Variants in JAK3 observed in about 807,000 individuals in gnomAD.
JAK3 encodes Janus kinase 3, also known as tyrosine-protein kinase JAK3.
JAK3 carries 88 observed loss-of-function variants against 120.8 expected under a neutral mutation model. The observed-to-expected ratio is 0.73, with a 90% CI of 0.61 to 0.87. JAK3 has a LOEUF of 0.87. Ranked by LOEUF, JAK3 falls within the 40% of genes least tolerant of loss-of-function variation. The pLI is 0.00. For synonymous variants in JAK3, 592 were observed against 628.6 expected (o/e 0.94, Z 0.87); for missense variants, 1,254 against 1,501.4 (o/e 0.84, Z 2.72).
chr19:17,830,170 G>A lies in JAK3; in HGVS notation c.3145C>T (p.Arg1049Cys), dbSNP rs761068792. The A allele has an allele frequency of 6.3e-7, 1 of 1,595,736 alleles. No homozygotes were observed. The highest frequency in any genetic ancestry group is 1.1e-5 in the South Asian group (1 of 87,990). The change falls in exon 23 of 24, where the codon CGC becomes TGC. Residue 1049 changes from arginine (R) to cysteine (C), a missense_variant. By Grantham distance (180) the Arg-to-Cys change is radical (BLOSUM62 -3). Transcript: ENST00000458235. ...CCCTCCTCCAGCAGTTCCAAGAGGC[G>A]GCAGAGGGCGGGGACATCCCGCTCA... ...GCERDVPALC[R>C]LLELLEEGQR... is the part of the protein sequence containing the mutation.
chr19:17,830,270 G>A, intron 22 of JAK3, 52 bp from the exon 23 acceptor site: 3 of 1,422,084 alleles, frequency 2.1e-6, no homozygotes, highest in Admixed American at 2.0e-5. Flanking sequence ...CGTGGGTGGA[G>A]GGGGAGGGGC....
chr19:17,837,169 C>G lies in JAK3; in HGVS notation c.1746G>C (p.Arg582=). 1 of 1,570,592 alleles carries G rather than the reference C, an allele frequency of 6.4e-7. No homozygotes were observed. Among genetic ancestry groups the G allele is most frequent in the Non-Finnish European group, 8.6e-7 (1 of 1,157,956 alleles). The stretch of plus-strand genomic sequence containing the variant: ...ACACGCCGTGGAGCAGCACGAGATG[C>G]CGGTACGACACTTGGCTCATCAAGC... ...AASLMSQVSY[R]HLVLLHGVCM... Residue 582 remains arginine (R), a synonymous_variant, in exon 13 of 24, where the codon CGG becomes CGC. Transcript: ENST00000458235.
In JAK3 at chr19:17,832,402, A is replaced by C; in HGVS notation, c.2680+117T>G. On this transcript the variant is annotated intron_variant, in intron 19 of 23. Transcript: ENST00000458235. The surrounding 1 kb of genome is among the most constrained non-coding windows in gnomAD (Gnocchi z 4.7). ...AGGATTCAAACCTGTAACCCATGTG[A>C]ATCTGGATCAATAATCACGTTCCCA... 9.7e-7 allele frequency: 1 copy of C among 1,028,106 alleles called. No individual in the cohort carries two copies. The highest frequency in any genetic ancestry group is 1.3e-5 in the South Asian group (1 of 78,092). 63.7% of individuals were successfully genotyped at this position (1,028,106 alleles called of 1,614,324 possible).
chr19:17,826,637 G>T lies in JAK3; in HGVS notation c.*106C>A. 1 of 1,236,608 alleles carries T rather than the reference G, an allele frequency of 8.1e-7. No homozygotes were observed. Among genetic ancestry groups the T allele is most frequent in the Non-Finnish European group, 1.2e-6 (1 of 836,872 alleles). The allele number at this position is 1,236,608 out of a possible 1,614,324, so 76.6% of individuals were successfully genotyped here. On this transcript the variant is annotated 3_prime_UTR_variant, in exon 24 of 24. Transcript: ENST00000458235. ...GCAATGTCATGGGGGTGTTCCTGAA[G>T]TAGAGGACCCTCATAAGGCCTCTGA...
intron 23 of JAK3, among the ~76,000 whole-genome samples, chr19:17,827,925 A>C (rs533031332): frequency 4.6e-5 from 7 of 150,756 alleles, no homozygotes; most frequent in African/African-American, 1.7e-4. Context: ...ACAACAAAAA[A>C]ACACCACCTC....
At position 17,832,633 on chromosome 19, in the gene JAK3, G is replaced by C; in HGVS notation, c.2566C>G (p.Gln856Glu). The stretch of plus-strand genomic sequence containing the variant: ...TGGTCTGGCCCGCTGTGCTGCAGCT[G>C]TTTCACGGCCACCAGGGCACCTGTA... ...DNTGALVAVK[Q>E]LQHSGPDQQR... Residue 856 changes from glutamine (Q) to glutamate (E), a missense_variant, in exon 19 of 24, where the codon CAG becomes GAG. Coordinates refer to ENST00000458235, the MANE Select transcript of JAK3 (RefSeq NM_000215.4). The surrounding 1 kb of genome is among the most constrained non-coding windows in gnomAD (Gnocchi z 4.7). 1 of 1,614,234 alleles carries C rather than the reference G, an allele frequency of 6.2e-7. No homozygotes were observed. The highest frequency in any genetic ancestry group is 1.1e-5 in the South Asian group (1 of 91,088).
chr19:17,831,927 C>T lies in JAK3; in HGVS notation c.2681-129G>A. On this transcript the variant is annotated intron_variant, in intron 19 of 23. Coordinates refer to ENST00000458235, the MANE Select transcript of JAK3 (RefSeq NM_000215.4). The surrounding 1 kb of genome is among the most constrained non-coding windows in gnomAD (Gnocchi z 5.1). ...GCTGACTGTAATATGGGAACCGCAACAATGACACATTGCTAATATCTCTTG... is the reference window on the plus strand; with the variant it reads ...GCTGACTGTAATATGGGAACCGCAATAATGACACATTGCTAATATCTCTTG... 9.3e-7 allele frequency: 1 copy of T among 1,079,998 alleles called. No individual in the cohort carries two copies. Among genetic ancestry groups the T allele is most frequent in the African/African-American group, 1.5e-5 (1 of 64,540 alleles). The allele number at this position is 1,079,998 out of a possible 1,614,324, so 66.9% of individuals were successfully genotyped here.
chr19:17,832,439 G>A lies in JAK3; in HGVS notation c.2680+80C>T. ...TAATCACGTTCCCAGCCTACCTAAA[G>A]TGGCCTGGCAGGAGGGTAAGAATGT... is the stretch of plus-strand genomic sequence containing the variant. On this transcript the variant is annotated intron_variant, in intron 19 of 23. Transcript: ENST00000458235. The surrounding 1 kb of genome is among the most constrained non-coding windows in gnomAD (Gnocchi z 4.7). 1 of 1,392,150 alleles carries A rather than the reference G, an allele frequency of 7.2e-7. No homozygotes were observed. Among genetic ancestry groups the A allele is most frequent in the South Asian group, 1.2e-5 (1 of 86,192 alleles). The allele number at this position is 1,392,150 out of a possible 1,614,324, so 86.2% of individuals were successfully genotyped here. A position where few individuals can be genotyped will look rare whatever the true frequency, so the allele number is the denominator to read the frequency against.
At position 17,831,118 on chromosome 19, in the gene JAK3, G is replaced by T; in HGVS notation, c.2978+110C>A. On this transcript the variant is annotated intron_variant, in intron 21 of 23. Coordinates refer to ENST00000458235, the MANE Select transcript of JAK3 (RefSeq NM_000215.4). This position sits in a 1 kb window ranked among gnomAD's most constrained non-coding sequence, Gnocchi z 5.1. ...AGGGGCCAAAGCTGCAGCGGAGGAA[G>T]GGCGGGGCTAAGGCTGGGGAGCAAA... 8.4e-7 allele frequency: 1 copy of T among 1,196,014 alleles called. No homozygotes were observed. Among genetic ancestry groups the T allele is most frequent in the Non-Finnish European group, 1.2e-6 (1 of 850,598 alleles). 74.1% of individuals were successfully genotyped at this position (1,196,014 alleles called of 1,614,324 possible).
In JAK3 at chr19:17,838,021, C is replaced by T. The variant is rs771370727; in HGVS notation, c.1612G>A (p.Gly538Ser). ...GHGSFTKIYR[G>S]CRHEVVDGEA... ...CCATCCACCACCTCATGGCGACAGC[C>T]CCGGTAAATCTTGGTGAAGGACCCA... Residue 538 changes from glycine (G) to serine (S), a missense_variant, in exon 12 of 24, where the codon GGC becomes AGC. Gly to Ser is a moderately conservative substitution (Grantham distance 56). This residue lies in a region of JAK3 where 630 missense variants were observed against 819.8 expected (regional missense o/e 0.77). Transcript: ENST00000458235. 6.2e-6 allele frequency: 10 copies of T among 1,614,144 alleles called. No homozygotes were observed. The highest frequency in any genetic ancestry group is 8.5e-6 in the Non-Finnish European group (10 of 1,180,030).
Position 17,842,310 on chromosome 19 carries a change from C to T in JAK3, c.861+6G>A, listed in dbSNP as rs748305273. The T allele has an allele frequency of 9.5e-6, 15 of 1,574,828 alleles. No homozygotes were observed. In the Middle Eastern group the frequency reaches 6.5e-4, roughly 69 times the overall value. ...GGCCCCGCCCAGCGGGGGAGTCCGC[C>T]CTCACCTCCTGTTCTCCCTGGGTCC... On this transcript the variant is annotated splice_donor_region_variant and intron_variant, in intron 6 of 23. Coordinates refer to ENST00000458235, the MANE Select transcript of JAK3 (RefSeq NM_000215.4). The surrounding 1 kb of genome is among the most constrained non-coding windows in gnomAD (Gnocchi z 6.4).
intron 12 of JAK3, among the ~76,000 whole-genome samples, 195 bp from the exon 13 acceptor site, chr19:17,837,408 TTTTTGTTTTG>T (rs552562879): frequency 1.3e-5 from 2 of 151,970 alleles, no homozygotes; most frequent in African/African-American, 2.4e-5. Flanking sequence ...CATCTATGGT[TTTTTGTTTTG>T]TTTTGTTTTG....
intron 17 of JAK3, among the ~76,000 whole-genome samples, chr19:17,833,761 G>C (rs930524717): frequency 6.6e-6 from 1 of 152,132 alleles, no homozygotes; most frequent in Non-Finnish European, 1.5e-5. Flanking sequence ...TCTGAGGCGG[G>C]AGAATTGCTT....
rs943572757 is a variant in JAK3, at chr19:17,831,094, G to A, written c.2978+134C>T. 28 of 882,062 alleles carry A rather than the reference G, an allele frequency of 3.2e-5. No homozygotes were observed. The highest frequency in any genetic ancestry group is 4.1e-5 in the Non-Finnish European group (24 of 580,356). 54.6% of individuals were successfully genotyped at this position (882,062 alleles called of 1,614,324 possible). Reference sequence around the variant, plus strand: ...GGGGGCGGGGCTCTGGGGAGTGGGAGGGGCCAAAGCTGCAGCGGAGGAAGG... The same window carrying A: ...GGGGGCGGGGCTCTGGGGAGTGGGAAGGGCCAAAGCTGCAGCGGAGGAAGG... On this transcript the variant is annotated intron_variant, in intron 21 of 23. Coordinates refer to ENST00000458235, the MANE Select transcript of JAK3 (RefSeq NM_000215.4). This position sits in a 1 kb window ranked among gnomAD's most constrained non-coding sequence, Gnocchi z 5.1.
Position 17,832,521 on chromosome 19 carries a change from G to C in JAK3, c.2678C>G (p.Pro893Arg), listed in dbSNP as rs772027199. The change falls in exon 19 of 24, where the codon CCG becomes CGG. Residue 893 changes from proline (P) to arginine (R), a missense_variant and splice_region_variant. Physicochemically the swap from Pro to Arg is moderately radical, Grantham distance 103. Around this residue, in one of 3 missense-constraint regions of JAK3, gnomAD observed 630 missense variants for 819.8 expected, o/e 0.77. Coordinates refer to ENST00000458235, the MANE Select transcript of JAK3 (RefSeq NM_000215.4). This position sits in a 1 kb window ranked among gnomAD's most constrained non-coding sequence, Gnocchi z 4.7. Reference protein sequence around the residue: ...IVKYRGVSYGPGRQSLRLVME... With the variant: ...IVKYRGVSYGRGRQSLRLVME... ...CACTCATCCGGGAGCTGGCTCACCCGGGCCATAGCTGACACCACGATACTT... is the reference window on the plus strand; with the variant it reads ...CACTCATCCGGGAGCTGGCTCACCCCGGCCATAGCTGACACCACGATACTT... The C allele has an allele frequency of 3.1e-6, 5 of 1,613,992 alleles. No homozygotes were observed. The highest frequency in any genetic ancestry group is 3.4e-6 in the Non-Finnish European group (4 of 1,180,010).
In JAK3 at chr19:17,844,246, C is replaced by T. The variant is rs2046340891; in HGVS notation, c.172G>A (p.Ala58Thr). 1 of 1,596,454 alleles carries T rather than the reference C, an allele frequency of 6.3e-7. No individual in the cohort carries two copies. Among genetic ancestry groups the T allele is most frequent in the Non-Finnish European group, 8.5e-7 (1 of 1,172,730 alleles). ...HLAEDLCVQA[A>T]KASGILPVYH... is the part of the protein sequence containing the mutation. ...GGGATGCACTCACCGCTGGCCTTGGCAGCCTGCACGCACAGGTCCTCAGCC... is the reference window on the plus strand; with the variant it reads ...GGGATGCACTCACCGCTGGCCTTGGTAGCCTGCACGCACAGGTCCTCAGCC... The change falls in exon 2 of 24, where the codon GCC (alanine) becomes ACC (threonine). Residue 58 changes from alanine to threonine, a missense_variant. By Grantham distance (58) the Ala-to-Thr change is moderately conservative. This residue lies in a region of JAK3 where 138 missense variants were observed against 178.7 expected (regional missense o/e 0.77). Coordinates refer to ENST00000458235, the MANE Select transcript of JAK3 (RefSeq NM_000215.4).
Position 17,826,929 on chromosome 19 carries a change from A to C in JAK3, c.3208-19T>G. ...CGTGAACCTGAGGGGCGGGGGACAG[A>C]TAATGGGGTCGTGCCTGAGCAGTCC... On this transcript the variant is annotated intron_variant, in intron 23 of 23. Transcript: ENST00000458235. 6.2e-7 allele frequency: 1 copy of C among 1,603,990 alleles called. No individual in the cohort carries two copies. The highest frequency in any genetic ancestry group is 8.5e-7 in the Non-Finnish European group (1 of 1,178,672).
At chr19:17,840,114 G>A in intron 9 of JAK3, 116 bp downstream of exon 9, 1 of 740,242 alleles carries the variant, frequency 1.4e-6, no homozygotes, top group Non-Finnish European at 2.4e-6. Context: ...GTTCACCGGG[G>A]GTGTCTTTTC....
At chr19:17,839,292 G>A (rs1403023134) in intron 10 of JAK3, 185 bp downstream of exon 10, 1 of 699,036 alleles carries the variant, frequency 1.4e-6, no homozygotes, top group African/African-American at 1.8e-5. Context: ...ATCTAGCTGT[G>A]CCTAGATCAA....
Sources: allele counts gnomAD v4.1 joint callset (sites outside exome capture counted in the v4.1 genomes callset), GRCh38; gene constraint gnomAD v4.1.1; regional missense constraint gnomAD v4.1.1; non-coding constraint Gnocchi (gnomAD v3.1); transcripts MANE v1.5; gene names NCBI Gene and HGNC (gene_info 2026-07-23, HGNC 2026-07-21).